Variants in CDK14 observed in about 807,000 individuals in gnomAD.
The protein encoded by CDK14 is cyclin-dependent kinase 14.
A neutral mutation model predicts 60.7 loss-of-function variants in CDK14; 34 were observed. The ratio of observed to expected loss-of-function variants is 0.56; its 90% confidence interval spans 0.43 to 0.75. The LOEUF is 0.75. CDK14 is among the 30% of genes least tolerant of loss of function. CDK14 has a pLI of 0.00. For missense variants in CDK14, 482 were observed against 564.1 expected (o/e 0.85, Z 1.47); for synonymous variants, 197 against 203.7 (o/e 0.97, Z 0.28).
rs888836091 is a variant in CDK14 at position 91,194,744 on chromosome 7, T to C, written c.*29-12421T>C. 2.0e-5 allele frequency among the ~76,000 whole-genome samples: 3 copies of C among 152,210 alleles called. No homozygotes were observed. The South Asian group carries it at 6.2e-4, about 32-fold the overall frequency. ...GAGGAAGTAAGATCTTTCTGGGATG[T>C]GCTTCCCAGTCACAGGTGTGGAAGA... On this transcript the variant is annotated intron_variant, in intron 14 of 14. Coordinates refer to ENST00000380050, the MANE Select transcript of CDK14 (RefSeq NM_001287135.2).
chr7:90,924,300 G>T (rs897895174), intron 8 of CDK14, among the ~76,000 whole-genome samples: 1 of 152,162 alleles, frequency 6.6e-6, no homozygotes, highest in African/African-American at 2.4e-5. Flanking sequence ...TGAATGGATT[G>T]ATCCATTCCT....
At chr7:90,633,955 A>G (rs1275357324) in intron 2 of CDK14, among the ~76,000 whole-genome samples, 1 of 152,178 alleles carries the variant, frequency 6.6e-6, no homozygotes, top group Non-Finnish European at 1.5e-5. Context: ...AAATATTTTA[A>G]AAGATGTTTA....
At chr7:90,809,963 T>A (rs1789021360) in intron 5 of CDK14, among the ~76,000 whole-genome samples, 1 of 151,970 alleles carries the variant, frequency 6.6e-6, no homozygotes, top group South Asian at 2.1e-4. Flanking sequence ...GGCTCTGAAG[T>A]TCAGTCAATA....
chr7:91,122,151 T>A (rs918568545), intron 14 of CDK14, among the ~76,000 whole-genome samples: 4 of 152,254 alleles, frequency 2.6e-5, no homozygotes, highest in Non-Finnish European at 5.9e-5. Flanking sequence ...TACAAATGTT[T>A]GTCTAGTGCA....
At chr7:90,688,891 C>A (rs1432549501) in intron 2 of CDK14, among the ~76,000 whole-genome samples, 2 of 152,158 alleles carry the variant, frequency 1.3e-5, no homozygotes, top group African/African-American at 4.8e-5. Context: ...TCCCTCCCTT[C>A]CCTTTTCTCT....
rs191610294 is a variant in CDK14, at chr7:90,655,116, A to G, written c.123+50867A>G. Reference sequence around the variant, plus strand: ...CTTTTCAAACTGGCTTCTTTCACTTAGCAGTATACACTTAAGGTTCCTCTA... The same window carrying G: ...CTTTTCAAACTGGCTTCTTTCACTTGGCAGTATACACTTAAGGTTCCTCTA... On this transcript the variant is annotated intron_variant, in intron 2 of 14. Coordinates refer to ENST00000380050, the MANE Select transcript of CDK14 (RefSeq NM_001287135.2). Among the ~76,000 whole-genome samples the G allele has an allele frequency of 3.0e-3, 463 of 152,292 alleles. 1 individual carries two copies. Among genetic ancestry groups the G allele is most frequent in the African/African-American group, 0.011 (444 of 41,554 alleles).
intron 9 of CDK14, among the ~76,000 whole-genome samples, chr7:90,971,709 T>C (rs1386297104): frequency 6.7e-6 from 1 of 149,864 alleles, no homozygotes; most frequent in Non-Finnish European, 1.5e-5. Context: ...TTTCTGGATC[T>C]GGTAACTGGA....
At chr7:90,626,298 C>T (rs999915272) in intron 2 of CDK14, among the ~76,000 whole-genome samples, 17 of 152,068 alleles carry the variant, frequency 1.1e-4, no homozygotes, top group Admixed American at 3.9e-4. Context: ...CCTCCCCCAG[C>T]GCTATTTTTA....
chr7:90,685,993 T>C (rs968013915), intron 2 of CDK14, among the ~76,000 whole-genome samples: 17 of 152,140 alleles, frequency 1.1e-4, no homozygotes, highest in Non-Finnish European at 2.2e-4. Flanking sequence ...TTAGTATTGG[T>C]ACATAAGAAA....
chr7:90,629,983 C>A (rs537534411), intron 2 of CDK14, among the ~76,000 whole-genome samples: 1 of 151,924 alleles, frequency 6.6e-6, no homozygotes, highest in Non-Finnish European at 1.5e-5. Context: ...GCCAAGATAG[C>A]GGCCAAGATA....
chr7:90,963,717 T>C (rs1340749870), intron 9 of CDK14, among the ~76,000 whole-genome samples: 56 of 143,128 alleles, frequency 3.9e-4, no homozygotes, highest in Admixed American at 6.3e-4. Context: ...TTTTCTTTTT[T>C]TTTTTTTTTT....
At chr7:91,157,147 CT>C (rs1333796637) in intron 14 of CDK14, among the ~76,000 whole-genome samples, 1 of 152,032 alleles carries the variant, frequency 6.6e-6, no homozygotes, top group African/African-American at 2.4e-5. Flanking sequence ...CATATTTTCT[CT>C]TTCTCTATGA....
At chr7:91,153,948 G>A (rs1446794781) in intron 14 of CDK14, among the ~76,000 whole-genome samples, 3 of 152,160 alleles carry the variant, frequency 2.0e-5, no homozygotes, top group Admixed American at 1.3e-4. Flanking sequence ...TCTTTGAGCA[G>A]GGAAATTACA....
intron 5 of CDK14, among the ~76,000 whole-genome samples, chr7:90,806,846 A>G (rs1337407996): frequency 2.0e-5 from 3 of 151,716 alleles, no homozygotes; most frequent in Non-Finnish European, 4.4e-5. Context: ...TGAGGGTCCT[A>G]CACCCGCGGA....
chr7:90,657,558 A>G (rs922504125), intron 2 of CDK14, among the ~76,000 whole-genome samples: 3 of 152,202 alleles, frequency 2.0e-5, no homozygotes, highest in African/African-American at 7.2e-5. Context: ...ATGCTGTTGA[A>G]TGTGGTAGGC....
At chr7:90,916,877 A>G (rs1170523900) in intron 7 of CDK14, among the ~76,000 whole-genome samples, 1 of 152,208 alleles carries the variant, frequency 6.6e-6, no homozygotes, top group Non-Finnish European at 1.5e-5. Context: ...AAGGCTATTA[A>G]TCACTTCTGA....
intron 14 of CDK14, among the ~76,000 whole-genome samples, chr7:91,161,638 C>T (rs1181427856): frequency 2.0e-5 from 3 of 152,170 alleles, no homozygotes; most frequent in African/African-American, 7.2e-5. Context: ...GTTACATTCC[C>T]TTTTTAACAA....
chr7:90,956,789 A>T (rs1794431397), intron 9 of CDK14, among the ~76,000 whole-genome samples: 1 of 88,214 alleles, frequency 1.1e-5, no homozygotes, highest in Admixed American at 1.7e-4. Context: ...AACAGTCCCC[A>T]GAGTGTGATG....
intron 4 of CDK14, among the ~76,000 whole-genome samples, chr7:90,780,471 A>T (rs374605092): frequency 6.6e-6 from 1 of 150,906 alleles, no homozygotes; most frequent in Non-Finnish European, 1.5e-5. Context: ...CATGTGCACA[A>T]TGTGCAGGTT....
Sources: allele counts gnomAD v4.1 joint callset (sites outside exome capture counted in the v4.1 genomes callset), GRCh38; gene constraint gnomAD v4.1.1; transcripts MANE v1.5; gene names NCBI Gene and HGNC (gene_info 2026-07-23, HGNC 2026-07-21).